Variants in RPL3L observed in about 807,000 individuals in gnomAD.
RPL3L encodes the protein ribosomal protein uL3-like.
In RPL3L, 44 loss-of-function variants were observed where a neutral mutation model predicts 44.5. The ratio of observed to expected loss-of-function variants is 0.99; its 90% confidence interval spans 0.78 to 1.27. The LOEUF is 1.27. RPL3L is among the 50% of genes most tolerant of loss of function. The probability of loss-of-function intolerance (pLI) is 0.00; values close to 1 mark genes in which losing one functional copy is unlikely to be tolerated. For missense variants in RPL3L, 631 were observed against 569.1 expected, an observed-to-expected ratio of 1.11 and a Z score of -1.11; for synonymous variants, 292 against 230.7, an observed-to-expected ratio of 1.27 and a Z score of -2.41.
At chr16:1,950,035 G>A (rs1422813542) in intron 4 of RPL3L, among the ~76,000 whole-genome samples, 1 of 132,354 alleles carries the variant, frequency 7.6e-6, no homozygotes, top group African/African-American at 3.2e-5. Context: ...AGGTATGGAC[G>A]GGGCAGGTAT....
rs373838333 is a variant in RPL3L at position 1,954,020 on chromosome 16, C to T, written c.132G>A (p.Thr44=). 3.4e-5 allele frequency: 54 copies of T among 1,604,952 alleles called. No homozygotes were observed. Among genetic ancestry groups the T allele is most frequent in the African/African-American group, 1.6e-4 (12 of 74,644 alleles). ...TGCCCGCCTTGTAGCCCAGGAAGGC[C>T]GTGAGGTGCACGGGCTGGCTGGGGT... ...RDDPSQPVHL[T]AFLGYKAGMT... is the part of the protein sequence containing the mutation. The change falls in exon 2 of 10, where the codon ACG becomes ACA. Residue 44 remains threonine, a synonymous_variant. Coordinates refer to ENST00000268661, the MANE Select transcript of RPL3L (RefSeq NM_005061.3).
At chr16:1,946,871 A>G in intron 6 of RPL3L, 67 bp downstream of exon 6, 2 of 1,561,984 alleles carry the variant, frequency 1.3e-6, no homozygotes, top group South Asian at 2.3e-5. Flanking sequence ...CACCCCACCC[A>G]CTGAGGCCAG....
rs780150913 is a variant in RPL3L, at chr16:1,944,817, G to C, written c.*20C>G. ...GGCAGACAGTGCGGTGCGCTTCAGG[G>C]TTCATCCACCCCACACAGCCTACAA... is the stretch of plus-strand genomic sequence containing the variant. On this transcript the variant is annotated 3_prime_UTR_variant, in exon 10 of 10. Coordinates refer to ENST00000268661, the MANE Select transcript of RPL3L (RefSeq NM_005061.3). The C allele has an allele frequency of 6.2e-7, 1 of 1,613,962 alleles. No individual in the cohort carries two copies. The highest frequency in any genetic ancestry group is 1.7e-5 in the Admixed American group (1 of 60,020).
Position 1,944,898 on chromosome 16 carries a change from T to G in RPL3L, c.1168-5A>C. On this transcript the variant is annotated splice_region_variant and splice_polypyrimidine_tract_variant and intron_variant, in intron 9 of 9. Coordinates refer to ENST00000268661, the MANE Select transcript of RPL3L (RefSeq NM_005061.3). The stretch of plus-strand genomic sequence containing the variant: ...CAGATGCTTCTTTTGGGGGCCCTGG[T>G]TGAGAGGGTGGTGCAGGAGGAGCCT... The G allele has an allele frequency of 1.2e-6, 2 of 1,612,682 alleles. No homozygotes were observed. Among genetic ancestry groups the G allele is most frequent in the Non-Finnish European group, 1.7e-6 (2 of 1,179,868 alleles).
At chr16:1,949,238 ATTTTTGTT>A (rs2083149479) in intron 4 of RPL3L, among the ~76,000 whole-genome samples, 1 of 80,086 alleles carries the variant, frequency 1.2e-5, no homozygotes, top group African/African-American at 4.9e-5. Flanking sequence ...ACTGGGCCTG[ATTTTTGTT>A]TTTTTTTTTT....
chr16:1,946,178 G>A (rs966010665), intron 7 of RPL3L, among the ~76,000 whole-genome samples: 4 of 152,242 alleles, frequency 2.6e-5, no homozygotes, highest in Admixed American at 6.5e-5. Context: ...AGGATCAGAG[G>A]AGTGGAGTCA....
intron 4 of RPL3L, among the ~76,000 whole-genome samples, chr16:1,950,021 G>C (rs1326729638): frequency 7.2e-6 from 1 of 139,362 alleles, no homozygotes; most frequent in South Asian, 2.4e-4. Context: ...GGTATGTAGG[G>C]AGCAGGTATG....
At chr16:1,954,565 G>T in intron 1 of RPL3L, 64 bp downstream of exon 1, 1 of 1,501,804 alleles carries the variant, frequency 6.7e-7, no homozygotes, top group Non-Finnish European at 9.0e-7. Flanking sequence ...CAGAAGCCCA[G>T]CTGTCCCACC....
intron 9 of RPL3L, 24 bp downstream of exon 9, chr16:1,945,475 C>T: frequency 6.3e-7 from 1 of 1,595,866 alleles, no homozygotes; most frequent in East Asian, 2.3e-5. Context: ...CAGAGAAGAA[C>T]AAGGATGGGG....
At chr16:1,953,376 C>T (rs1048506336) in intron 2 of RPL3L, among the ~76,000 whole-genome samples, 2 of 152,168 alleles carry the variant, frequency 1.3e-5, no homozygotes, top group African/African-American at 4.8e-5. Context: ...CTCGCCACAA[C>T]GCCCAGCTAA....
Position 1,947,333 on chromosome 16 carries a change from G to T in RPL3L, c.549C>A (p.Ile183=). ...FRQKKAHIME[I]QLNGGTVAEK... is the part of the protein sequence containing the mutation. ...CGGCCACCGTGCCACCGTTCAGCTG[G>T]ATCTCCATGATGTGGGCCTTCTTCT... The change falls in exon 5 of 10, where the codon ATC becomes ATA. Residue 183 remains isoleucine (I), a synonymous_variant. Transcript: ENST00000268661. 2.5e-6 allele frequency: 4 copies of T among 1,608,516 alleles called. No homozygotes were observed. Among genetic ancestry groups the T allele is most frequent in the Non-Finnish European group, 3.4e-6 (4 of 1,178,356 alleles).
In RPL3L at chr16:1,947,332, G is replaced by T. The variant is rs764864813; in HGVS notation, c.550C>A (p.Gln184Lys). The T allele has an allele frequency of 6.2e-7, 1 of 1,608,986 alleles. No homozygotes were observed. The highest frequency in any genetic ancestry group is 1.7e-5 in the Admixed American group (1 of 59,510). Reference sequence around the variant, plus strand: ...TCGGCCACCGTGCCACCGTTCAGCTGGATCTCCATGATGTGGGCCTTCTTC... The same window carrying T: ...TCGGCCACCGTGCCACCGTTCAGCTTGATCTCCATGATGTGGGCCTTCTTC... ...RQKKAHIMEI[Q>K]LNGGTVAEKV... The change falls in exon 5 of 10, where the codon CAG becomes AAG. Residue 184 changes from glutamine to lysine, a missense_variant. Transcript: ENST00000268661.
chr16:1,944,155 G>A lies in RPL3L; in HGVS notation c.*682C>T, dbSNP rs1281058019. 6.6e-6 allele frequency: 1 copy of A among 152,226 alleles called. No individual in the cohort carries two copies. Among genetic ancestry groups the A allele is most frequent in the African/African-American group, 2.4e-5 (1 of 41,416 alleles). 9.4% of individuals were successfully genotyped at this position (152,226 alleles called of 1,614,324 possible). On this transcript the variant is annotated 3_prime_UTR_variant, in exon 10 of 10. Coordinates refer to ENST00000268661, the MANE Select transcript of RPL3L (RefSeq NM_005061.3). ...ACAGTAACAGCCCTTTCCCAAAGCA[G>A]ACCACCTCCTTGCCTGGGGACTAGA...
chr16:1,949,238 ATTTTTGTTTTTTTTTTTTTTCT>A (rs2083149498), intron 4 of RPL3L, among the ~76,000 whole-genome samples: 2 of 80,086 alleles, frequency 2.5e-5, no homozygotes, highest in African/African-American at 4.9e-5. Context: ...ACTGGGCCTG[ATTTTTGTTTTTTTTTTTTTTCT>A]TTTTTTTTTT....
Position 1,950,841 on chromosome 16 carries a change from G to A in RPL3L, c.501+3C>T. The A allele has an allele frequency of 6.2e-7, 1 of 1,614,070 alleles. No individual in the cohort carries two copies. The highest frequency in any genetic ancestry group is 8.5e-7 in the Non-Finnish European group (1 of 1,179,948). On this transcript the variant is annotated splice_donor_region_variant and intron_variant, in intron 4 of 9. Transcript: ENST00000268661. Reference sequence around the variant, plus strand: ...GACCGACAGCGGAGGGCCGGGGGCTGACCTGAGTGTGGACAATGACCCGAA... The same window carrying A: ...GACCGACAGCGGAGGGCCGGGGGCTAACCTGAGTGTGGACAATGACCCGAA...
Position 1,953,932 on chromosome 16 carries a change from C to T in RPL3L, c.196+24G>A, listed in dbSNP as rs574054439. On this transcript the variant is annotated intron_variant, in intron 2 of 9. Transcript: ENST00000268661. ...TGGAAGGTTCAGCCCTCCCCCTCCC[C>T]CAAGGGTCCCAACTGTGACTCACTG... is the stretch of plus-strand genomic sequence containing the variant. 3.4e-6 allele frequency: 5 copies of T among 1,478,930 alleles called. No individual in the cohort carries two copies. In the South Asian group the frequency reaches 7.0e-5, roughly 21 times the overall value. 91.6% of individuals were successfully genotyped at this position (1,478,930 alleles called of 1,614,324 possible).
At chr16:1,944,930 C>CACGAG (rs61276345) in intron 9 of RPL3L, 37 bp from the exon 10 acceptor site, 1 of 1,612,518 alleles carries the variant, frequency 6.2e-7, no homozygotes, top group Non-Finnish European at 8.5e-7. Context: ...GCCTTAGTCA[C>CACGAG]TCTGGCCAGA....
intron 4 of RPL3L, among the ~76,000 whole-genome samples, chr16:1,947,864 G>T (rs1052033649): frequency 6.6e-6 from 1 of 152,110 alleles, no homozygotes; most frequent in Admixed American, 6.5e-5. Context: ...GGGGAGCAAG[G>T]GGCGTGGGCC....
chr16:1,953,686 T>G (rs2083187179), intron 2 of RPL3L, among the ~76,000 whole-genome samples: 1 of 152,206 alleles, frequency 6.6e-6, no homozygotes, highest in African/African-American at 2.4e-5. Flanking sequence ...GGCGCTGGCC[T>G]TTGAATCCTA....
Sources: gnomAD v4.1 joint callset for allele counts (sites outside exome capture counted in the v4.1 genomes callset) on GRCh38, gnomAD v4.1.1 for gene constraint, MANE v1.5 for transcripts, NCBI Gene and HGNC (gene_info 2026-07-23, HGNC 2026-07-21) for gene names.